The following NR2C2 variants were observed in gnomAD, a reference collection of about 807,000 sequenced individuals.
NR2C2 encodes the protein nuclear receptor subfamily 2 group C member 2.
Under a neutral mutation model 62.9 loss-of-function variants are expected in NR2C2, and 6 were observed. The ratio of observed to expected loss-of-function variants is 0.10; its 90% CI spans 0.05 to 0.19. NR2C2 has a LOEUF of 0.19. NR2C2 is among the 10% of genes least tolerant of loss of function. The probability of loss-of-function intolerance (pLI) is 1.00; values close to 1 mark genes in which losing one functional copy is unlikely to be tolerated. For synonymous variants in NR2C2, 272 were observed against 273.8 expected (o/e 0.99, Z 0.07); for missense variants, 479 against 762.7 (o/e 0.63, Z 4.38).
rs1033227778 is a variant in NR2C2 at position 15,047,437 on chromosome 3, T to C, written c.*4429T>C. ...ATATCCAAAACTAAGTGGGAATTTTTAACCTTTTCATGCACCTATTCATGG... is the reference window on the plus strand; with the variant it reads ...ATATCCAAAACTAAGTGGGAATTTTCAACCTTTTCATGCACCTATTCATGG... On this transcript the variant is annotated 3_prime_UTR_variant, in exon 14 of 14. Coordinates refer to ENST00000425241, the MANE Select transcript of NR2C2 (RefSeq NM_001291694.2). 2 of 152,232 alleles carry C rather than the reference T, an allele frequency of 1.3e-5. No homozygotes were observed. Among genetic ancestry groups the C allele is most frequent in the African/African-American group, 4.8e-5 (2 of 41,462 alleles). 9.4% of individuals were successfully genotyped at this position (152,232 alleles called of 1,614,324 possible). A position where few individuals can be genotyped will look rare whatever the true frequency, so the allele number is the denominator to read the frequency against.
In NR2C2 at chr3:15,034,826, TG is replaced by T; in HGVS notation, c.1372+21del. On this transcript the variant is annotated intron_variant, in intron 11 of 13. Transcript: ENST00000425241. ...TCCAGGAAGGTAGGGCACAGGGACT[TG>T]GGGCTGGGGTGTGTCTTGGTTCAGC... 6.2e-7 allele frequency: 1 copy of T among 1,600,828 alleles called. No individual in the cohort carries two copies. Among genetic ancestry groups the T allele is most frequent in the South Asian group, 1.1e-5 (1 of 89,142 alleles).
chr3:14,949,708 G>T (rs1186354995), intron 1 of NR2C2, among the ~76,000 whole-genome samples: 1 of 152,148 alleles, frequency 6.6e-6, no homozygotes, highest in African/African-American at 2.4e-5. Context: ...TATGTGCTAG[G>T]CTGGGAATAC....
chr3:15,000,671 A>G (rs1426708543), intron 1 of NR2C2, among the ~76,000 whole-genome samples: 1 of 152,176 alleles, frequency 6.6e-6, no homozygotes, highest in Non-Finnish European at 1.5e-5. Context: ...ATGCATTCCC[A>G]TATGAATTTT....
chr3:14,971,179 G>T (rs757617610), intron 1 of NR2C2, among the ~76,000 whole-genome samples: 12 of 147,428 alleles, frequency 8.1e-5, no homozygotes, highest in Non-Finnish European at 1.6e-4. Context: ...GTGCAGTGGC[G>T]CAATCTTGGC....
intron 2 of NR2C2, among the ~76,000 whole-genome samples, chr3:15,006,807 C>T (rs2041185295): frequency 1.3e-5 from 2 of 149,502 alleles, no homozygotes; most frequent in Admixed American, 6.7e-5. Context: ...AGGCATTTCG[C>T]TCTTGTCGCC....
At chr3:15,036,982 C>T (rs1314943462) in intron 11 of NR2C2, among the ~76,000 whole-genome samples, 4 of 151,942 alleles carry the variant, frequency 2.6e-5, no homozygotes, top group Non-Finnish European at 4.4e-5. Context: ...ATTAGCCTGA[C>T]ATGGTGGTGA....
chr3:15,038,002 A>C lies in NR2C2; in HGVS notation c.1375A>C (p.Lys459Gln). 6.2e-7 allele frequency: 1 copy of C among 1,612,834 alleles called. No homozygotes were observed. Among genetic ancestry groups the C allele is most frequent in the Non-Finnish European group, 8.5e-7 (1 of 1,179,490 alleles). ...NHLQNSIQED[K>Q]LSGDRIKQVM... The stretch of plus-strand genomic sequence containing the variant: ...GGATCTGTGATGTTGGTTTCTAGAT[A>C]AACTTTCTGGTGACCGGATAAAGCA... The change falls in exon 12 of 14, where the codon AAA becomes CAA. Residue 459 changes from lysine (K) to glutamine (Q), a missense_variant and splice_region_variant. Physicochemically the swap from Lys to Gln is moderately conservative, Grantham distance 53 (BLOSUM62 1). Coordinates refer to ENST00000425241, the MANE Select transcript of NR2C2 (RefSeq NM_001291694.2).
In NR2C2 at chr3:15,045,049, T is replaced by C. The variant is rs1420961061; in HGVS notation, c.*2041T>C. On this transcript the variant is annotated 3_prime_UTR_variant, in exon 14 of 14. Transcript: ENST00000425241. The stretch of plus-strand genomic sequence containing the variant: ...GTAATTTTTACTTTTCTAACCCTGA[T>C]GTGTTTTCAGTTTCAAAATTAAGAC... The C allele has an allele frequency of 1.3e-5, 2 of 152,256 alleles. No homozygotes were observed. Among genetic ancestry groups the C allele is most frequent in the Admixed American group, 1.3e-4 (2 of 15,286 alleles). The allele number at this position is 152,256 out of a possible 1,614,324, so 9.4% of individuals were successfully genotyped here. A position where few individuals can be genotyped will look rare whatever the true frequency, so the allele number is the denominator to read the frequency against.
At chr3:15,013,469 G>T in intron 2 of NR2C2, 120 bp from the exon 3 acceptor site, 1 of 775,172 alleles carries the variant, frequency 1.3e-6, no homozygotes, top group Non-Finnish European at 2.2e-6. Context: ...TGGTGAAAAT[G>T]CATGTTAGAC....
At position 15,016,141 on chromosome 3, in the gene NR2C2, A is replaced by T; in HGVS notation, c.274-11A>T. 1 of 1,610,162 alleles carries T rather than the reference A, an allele frequency of 6.2e-7. No homozygotes were observed. The highest frequency in any genetic ancestry group is 8.5e-7 in the Non-Finnish European group (1 of 1,176,694). ...AATTGGCACCCCTGTTCGTTTCCTG[A>T]TTTCTCTCAGATTGTCACGGATTCT... On this transcript the variant is annotated splice_polypyrimidine_tract_variant and intron_variant, in intron 3 of 13. Transcript: ENST00000425241.
Position 15,047,745 on chromosome 3 carries a change from T to C in NR2C2, c.*4737T>C, listed in dbSNP as rs2042506822. The stretch of plus-strand genomic sequence containing the variant: ...AAGTATTATTCTTTAAAACTAAGCA[T>C]GGATGTTGATGGCTAACTTCTGCGG... On this transcript the variant is annotated 3_prime_UTR_variant, in exon 14 of 14. Coordinates refer to ENST00000425241, the MANE Select transcript of NR2C2 (RefSeq NM_001291694.2). 6.6e-6 allele frequency: 1 copy of C among 152,238 alleles called. No homozygotes were observed. Among genetic ancestry groups the C allele is most frequent in the African/African-American group, 2.4e-5 (1 of 41,476 alleles). 9.4% of individuals were successfully genotyped at this position (152,238 alleles called of 1,614,324 possible).
chr3:15,001,875 C>T (rs1209576303), intron 1 of NR2C2, among the ~76,000 whole-genome samples: 2 of 152,172 alleles, frequency 1.3e-5, no homozygotes, highest in Non-Finnish European at 2.9e-5. Context: ...ACCTCGGTCT[C>T]CCAAAGTGCC....
At chr3:14,970,407 A>T (rs921461879) in intron 1 of NR2C2, among the ~76,000 whole-genome samples, 10 of 152,144 alleles carry the variant, frequency 6.6e-5, no homozygotes, top group African/African-American at 2.4e-4. Flanking sequence ...ATTGTTCTGT[A>T]ACCATCACCA....
intron 1 of NR2C2, among the ~76,000 whole-genome samples, chr3:14,952,759 A>G (rs2039404367): frequency 6.6e-6 from 1 of 152,024 alleles, no homozygotes; most frequent in Admixed American, 6.6e-5. Context: ...ATTCTCTGTC[A>G]TTCTCTCCCA....
chr3:14,997,984 TC>T (rs1386780776), intron 1 of NR2C2, among the ~76,000 whole-genome samples: 2 of 152,162 alleles, frequency 1.3e-5, no homozygotes, highest in African/African-American at 4.8e-5. Flanking sequence ...CAACCACTAA[TC>T]TACTTTCTGT....
At chr3:14,954,738 G>GT (rs1331744527) in intron 1 of NR2C2, among the ~76,000 whole-genome samples, 10 of 152,252 alleles carry the variant, frequency 6.6e-5, no homozygotes, top group Admixed American at 6.5e-4. Flanking sequence ...GGGGGTATTG[G>GT]TAATGTCTTG....
intron 2 of NR2C2, chr3:15,004,486 T>A: frequency 7.2e-7 from 1 of 1,387,976 alleles, no homozygotes; most frequent in African/African-American, 1.4e-5. Context: ...ATTTACTAAT[T>A]ATATAATAAC....
intron 1 of NR2C2, among the ~76,000 whole-genome samples, chr3:14,977,249 T>G (rs548439996): frequency 6.6e-6 from 1 of 152,334 alleles, no homozygotes; most frequent in African/African-American, 2.4e-5. Context: ...AGTATGTTAC[T>G]TAATGTCTTT....
chr3:14,996,308 T>C (rs2040830959), intron 1 of NR2C2, among the ~76,000 whole-genome samples: 1 of 152,226 alleles, frequency 6.6e-6, no homozygotes, highest in Non-Finnish European at 1.5e-5. Context: ...ATTTAATATT[T>C]TAAAATAAAA....
Sources: gnomAD v4.1 joint callset for allele counts (sites outside exome capture counted in the v4.1 genomes callset) on GRCh38, gnomAD v4.1.1 for gene constraint, MANE v1.5 for transcripts, NCBI Gene and HGNC (gene_info 2026-07-23, HGNC 2026-07-21) for gene names.